The following BCAS3 variants were observed in gnomAD, a reference collection of about 807,000 sequenced individuals.
BCAS3 encodes the protein BCAS4/BCAS3 fusion.
In BCAS3, 53 loss-of-function variants were observed where a neutral mutation model predicts 116.1. The observed-to-expected ratio is 0.46, with a 90% CI of 0.37 to 0.57. BCAS3 has a LOEUF of 0.57. Ranked by LOEUF, BCAS3 falls within the 20% of genes least tolerant of loss-of-function variation. The pLI is 0.00. For synonymous variants in BCAS3, 391 were observed against 408.2 expected (o/e 0.96, Z 0.51); for missense variants, 917 against 1,165.4 (o/e 0.79, Z 3.10).
intron 15 of BCAS3, among the ~76,000 whole-genome samples, chr17:61,014,828 C>T (rs1371748874): frequency 6.6e-6 from 1 of 152,026 alleles, no homozygotes; most frequent in Non-Finnish European, 1.5e-5. Context: ...ACCTGTATTT[C>T]TATACATTAA....
rs796624608 is a variant in BCAS3 at position 61,085,284 on chromosome 17, C to T, written c.2425+720C>T. ...GCAGCTGGGGAGCATCTGAAGACAG[C>T]GCATGGCAGGATTTTGTCCAAAAAT... On this transcript the variant is annotated intron_variant, in intron 22 of 23. Transcript: ENST00000407086. Among the ~76,000 whole-genome samples the T allele has an allele frequency of 1.5e-3, 229 of 152,250 alleles. 1 individual carries two copies. The highest frequency in any genetic ancestry group is 4.6e-3 in the African/African-American group (193 of 41,536).
intron 5 of BCAS3, among the ~76,000 whole-genome samples, chr17:60,740,676 G>A (rs1328825179): frequency 6.6e-6 from 1 of 151,976 alleles, no homozygotes; most frequent in Non-Finnish European, 1.5e-5. Flanking sequence ...GAGAGTGTGT[G>A]GTGTGTTTTT....
intron 6 of BCAS3, among the ~76,000 whole-genome samples, chr17:60,772,828 G>A (rs962762552): frequency 1.3e-5 from 2 of 151,972 alleles, no homozygotes; most frequent in Admixed American, 6.6e-5. Context: ...AGCTGAGATC[G>A]CGCCACTGCA....
At chr17:60,987,030 A>G (rs1005043763) in intron 14 of BCAS3, 2 of 152,068 alleles carry the variant, frequency 1.3e-5, no homozygotes, top group African/African-American at 4.8e-5. Flanking sequence ...ATAGGGGTCT[A>G]TTTTTATTCT....
chr17:60,745,005 A>G (rs1223202261), intron 5 of BCAS3, among the ~76,000 whole-genome samples: 2 of 152,162 alleles, frequency 1.3e-5, no homozygotes, highest in African/African-American at 2.4e-5. Flanking sequence ...TGAGTATGCT[A>G]AGACAGATTT....
At position 61,204,591 on chromosome 17, in the gene BCAS3, T is replaced by G. The variant is rs1430516355; in HGVS notation, c.2425+120027T>G. Among the ~76,000 whole-genome samples, 2 of 152,204 alleles carry G rather than the reference T, an allele frequency of 1.3e-5. No homozygotes were observed. Among genetic ancestry groups the G allele is most frequent in the East Asian group, 1.9e-4 (1 of 5,208 alleles). On this transcript the variant is annotated intron_variant, in intron 22 of 23. Transcript: ENST00000407086. The surrounding 1 kb of genome is among the most constrained non-coding windows in gnomAD (Gnocchi z 4.2). ...AAAAACAGAATTTATAGCCCCTTTA[T>G]TAAATATTTCTAGAATATAATTGCC...
At chr17:61,284,821 C>T (rs994225324) in intron 22 of BCAS3, among the ~76,000 whole-genome samples, 1 of 152,186 alleles carries the variant, frequency 6.6e-6, no homozygotes, top group African/African-American at 2.4e-5. Context: ...GGAAAGCCTC[C>T]ACTCAACAGT....
intron 7 of BCAS3, among the ~76,000 whole-genome samples, chr17:60,839,410 A>G (rs938901689): frequency 7.9e-5 from 12 of 152,056 alleles, no homozygotes; most frequent in Non-Finnish European, 1.6e-4. Context: ...CCCAATTGTA[A>G]TATTACCTCC....
chr17:60,945,838 A>G (rs1247018917), intron 13 of BCAS3, among the ~76,000 whole-genome samples: 1 of 143,682 alleles, frequency 7.0e-6, no homozygotes, highest in Non-Finnish European at 1.5e-5. Context: ...AAATAAAAAA[A>G]TGCCAGGCAT....
chr17:61,355,302 T>C lies in BCAS3; in HGVS notation c.2426-13025T>C, dbSNP rs2058082276. 1.3e-5 allele frequency: 2 copies of C among 152,234 alleles called. No homozygotes were observed. Among genetic ancestry groups the C allele is most frequent in the African/African-American group, 4.8e-5 (2 of 41,466 alleles). 9.4% of individuals were successfully genotyped at this position (152,234 alleles called of 1,614,324 possible). A position where few individuals can be genotyped will look rare whatever the true frequency, so the allele number is the denominator to read the frequency against. On this transcript the variant is annotated intron_variant, in intron 22 of 23. Transcript: ENST00000407086. This position sits in a 1 kb window ranked among gnomAD's most constrained non-coding sequence, Gnocchi z 4.2. ...GACTTCTTGGCCCCAGGTTTCAGAC[T>C]TCAAAGTTCTCAGTTGAGAGCCTCG... is the stretch of plus-strand genomic sequence containing the variant.
chr17:61,166,753 G>A lies in BCAS3; in HGVS notation c.2425+82189G>A, dbSNP rs540761161. Among the ~76,000 whole-genome samples the A allele has an allele frequency of 1.4e-3, 207 of 152,080 alleles. 2 individuals carry two copies. The highest frequency in any genetic ancestry group is 0.013 in the South Asian group (61 of 4,796). Reference sequence around the variant, plus strand: ...TTTAGAGACATCATCTCACTCCGTCGCACAGGCTGGAGTGTAGTGGCACAA... The same window carrying A: ...TTTAGAGACATCATCTCACTCCGTCACACAGGCTGGAGTGTAGTGGCACAA... On this transcript the variant is annotated intron_variant, in intron 22 of 23. Coordinates refer to ENST00000407086, the MANE Select transcript of BCAS3 (RefSeq NM_017679.5).
intron 11 of BCAS3, among the ~76,000 whole-genome samples, chr17:60,903,135 A>G (rs2058005398): frequency 6.6e-6 from 1 of 152,194 alleles, no homozygotes; most frequent in African/African-American, 2.4e-5. Context: ...GATGTCTGGT[A>G]AACTTTATGC....
At chr17:61,245,370 CAGTA>C (rs1444067890) in intron 22 of BCAS3, 1 of 151,842 alleles carries the variant, frequency 6.6e-6, no homozygotes, top group Non-Finnish European at 1.5e-5. Context: ...CAAACGATAT[CAGTA>C]AGTATTTATT....
chr17:60,938,549 C>T (rs1160746274), intron 13 of BCAS3, among the ~76,000 whole-genome samples: 1 of 151,514 alleles, frequency 6.6e-6, no homozygotes, highest in Admixed American at 6.6e-5. Context: ...AACTATGAAA[C>T]TTTAAAAAGA....
rs1396637313 is a variant in BCAS3 at position 61,230,146 on chromosome 17, C to T, written c.2426-138181C>T. Among the ~76,000 whole-genome samples, 3 of 5,358 alleles carry T rather than the reference C, an allele frequency of 5.6e-4. No individual in the cohort carries two copies. In the Non-Finnish European group the frequency reaches 5.7e-3, roughly 10 times the overall value. 3.5% of individuals were successfully genotyped at this position (5,358 alleles called of 152,430 possible). A position where few individuals can be genotyped will look rare whatever the true frequency, so the allele number is the denominator to read the frequency against. ...TCTCAAAAAAAAGTGTGTGTATACA[C>T]ACACACACACACACACACACACACA... On this transcript the variant is annotated intron_variant, in intron 22 of 23. Coordinates refer to ENST00000407086, the MANE Select transcript of BCAS3 (RefSeq NM_017679.5).
rs1184668309 is a variant in BCAS3, at chr17:61,229,710, T to C, written c.2426-138617T>C. ...TCTTGTGCTTCTCCATTTACATAGC[T>C]CTAATAGTAGAGGAGAGATGCTTTA... On this transcript the variant is annotated intron_variant, in intron 22 of 23. Transcript: ENST00000407086. The surrounding 1 kb of genome is among the most constrained non-coding windows in gnomAD (Gnocchi z 4.4). 6.6e-6 allele frequency among the ~76,000 whole-genome samples: 1 copy of C among 152,190 alleles called. No individual in the cohort carries two copies. The highest frequency in any genetic ancestry group is 1.5e-5 in the Non-Finnish European group (1 of 68,042).
chr17:61,333,963 A>G lies in BCAS3; in HGVS notation c.2426-34364A>G, dbSNP rs1283667594. Among the ~76,000 whole-genome samples the G allele has an allele frequency of 2.0e-5, 3 of 152,188 alleles. No individual in the cohort carries two copies. ...GGTCATTTGCTTCCCTGATTGAGAG[A>G]TGAGTCAGCATTCATATATTCATTC... On this transcript the variant is annotated intron_variant, in intron 22 of 23. Transcript: ENST00000407086. The surrounding 1 kb of genome is among the most constrained non-coding windows in gnomAD (Gnocchi z 4.8).
chr17:61,235,010 C>T lies in BCAS3; in HGVS notation c.2426-133317C>T, dbSNP rs190458250. On this transcript the variant is annotated intron_variant, in intron 22 of 23. Coordinates refer to ENST00000407086, the MANE Select transcript of BCAS3 (RefSeq NM_017679.5). The surrounding 1 kb of genome is among the most constrained non-coding windows in gnomAD (Gnocchi z 5.0). ...TCAAGCAATTCTCCTTCCTCAGCCT[C>T]CCGAGTAGCTGGGACTATAGGCGCA... Among the ~76,000 whole-genome samples, 138 of 152,280 alleles carry T rather than the reference C, an allele frequency of 9.1e-4. No individual in the cohort carries two copies. In the East Asian group the frequency reaches 0.025, roughly 28 times the overall value.
chr17:61,314,864 A>G (rs562706178), intron 22 of BCAS3, among the ~76,000 whole-genome samples: 1 of 152,262 alleles, frequency 6.6e-6, no homozygotes, highest in South Asian at 2.1e-4. Flanking sequence ...CCAATAAACT[A>G]TACACAGGGA....
Sources: allele counts gnomAD v4.1 joint callset (sites outside exome capture counted in the v4.1 genomes callset), GRCh38; gene constraint gnomAD v4.1.1; non-coding constraint Gnocchi (gnomAD v3.1); transcripts MANE v1.5; gene names NCBI Gene and HGNC (gene_info 2026-07-23, HGNC 2026-07-21).